USP24: variants seen among roughly 807,000 people sequenced by gnomAD.
The protein encoded by USP24 is ubiquitin carboxyl-terminal hydrolase 24.
USP24 carries 97 observed loss-of-function variants against 361.6 expected under a neutral mutation model. The ratio of observed to expected loss-of-function variants is 0.27; its 90% confidence interval spans 0.23 to 0.32. The LOEUF (loss-of-function observed/expected upper bound fraction) is 0.32, where lower values mean the gene tolerates loss of function less well. Among genes scored for constraint, USP24 ranks in the 10% least tolerant of loss-of-function variants. The probability of loss-of-function intolerance (pLI) is 1.00; values close to 1 mark genes in which losing one functional copy is unlikely to be tolerated. For synonymous variants in USP24, 1,098 were observed against 1,124.6 expected, an observed-to-expected ratio of 0.98 and a Z score of 0.47; for missense variants, 2,353 against 3,165.6, an observed-to-expected ratio of 0.74 and a Z score of 6.16.
At chr1:55,214,652 T>C (rs905809951) in intron 1 of USP24, 138 bp downstream of exon 1, 4 of 770,200 alleles carry the variant, frequency 5.2e-6, no homozygotes, top group Admixed American at 5.4e-5. Flanking sequence ...GGGGCTTCTC[T>C]CTCTCTCTCC....
intron 1 of USP24, among the ~76,000 whole-genome samples, chr1:55,213,097 G>T (rs574677575): frequency 4.6e-5 from 7 of 152,268 alleles, no homozygotes; most frequent in Admixed American, 1.3e-4. Context: ...AGGATACACT[G>T]AGCTTTGCAG....
At chr1:55,128,713 C>T (rs371786017) in intron 32 of USP24, among the ~76,000 whole-genome samples, 194 of 124,872 alleles carry the variant, frequency 1.6e-3, no homozygotes, top group Non-Finnish European at 2.4e-3. Flanking sequence ...GCTTTAATAC[C>T]TTTTTTTTTT....
At chr1:55,193,295 AG>A (rs1305451036) in intron 1 of USP24, among the ~76,000 whole-genome samples, 3 of 152,212 alleles carry the variant, frequency 2.0e-5, no homozygotes, top group Non-Finnish European at 4.4e-5. Flanking sequence ...ATCTGTGGGG[AG>A]GGCAGGTGGA....
intron 5 of USP24, 128 bp downstream of exon 5, chr1:55,171,428 C>G (rs915336767): frequency 8.4e-7 from 1 of 1,187,218 alleles, no homozygotes; most frequent in African/African-American, 1.6e-5. Flanking sequence ...ATTTTATGAG[C>G]CAGATGGGAT....
chr1:55,157,188 C>T, intron 11 of USP24, 68 bp downstream of exon 11: 6 of 1,361,268 alleles, frequency 4.4e-6, no homozygotes, highest in Admixed American at 2.2e-5. Context: ...ATTTTGTATA[C>T]TTTTTAATAC....
chr1:55,144,700 T>C (rs1380325101), intron 20 of USP24, among the ~76,000 whole-genome samples: 1 of 152,156 alleles, frequency 6.6e-6, no homozygotes, highest in African/African-American at 2.4e-5. Context: ...TGTGGGAGGC[T>C]GAAGCAGGAG....
rs570390662 is a variant in USP24 at position 55,148,347 on chromosome 1, G to A, written c.1968+116C>T. On this transcript the variant is annotated intron_variant, in intron 17 of 67. Transcript: ENST00000294383. Reference sequence around the variant, plus strand: ...CTCAAGATTATTAGATGATATAAGTGAATTACATCAATAAACATAAAGATA... The same window carrying A: ...CTCAAGATTATTAGATGATATAAGTAAATTACATCAATAAACATAAAGATA... 4.9e-5 allele frequency: 32 copies of A among 648,756 alleles called. No individual in the cohort carries two copies. The African/African-American group carries it at 6.7e-4, about 14-fold the overall frequency. The allele number at this position is 648,756 out of a possible 1,614,324, so 40.2% of individuals were successfully genotyped here.
At chr1:55,206,816 T>C (rs943081256) in intron 1 of USP24, among the ~76,000 whole-genome samples, 1 of 152,084 alleles carries the variant, frequency 6.6e-6, no homozygotes, top group African/African-American at 2.4e-5. Context: ...TTAATAATAG[T>C]GTTGCTATTC....
At chr1:55,105,868 C>T (rs547982452) in intron 41 of USP24, among the ~76,000 whole-genome samples, 19 of 151,646 alleles carry the variant, frequency 1.3e-4, no homozygotes, top group Admixed American at 9.9e-4. Flanking sequence ...TTATAACCTT[C>T]GTTTCTCTTG....
At chr1:55,153,109 T>C (rs562922802) in intron 16 of USP24, among the ~76,000 whole-genome samples, 3 of 152,308 alleles carry the variant, frequency 2.0e-5, no homozygotes, top group Admixed American at 1.3e-4. Flanking sequence ...CCTGAGGGTC[T>C]AGGTGAGAGG....
Position 55,098,537 on chromosome 1 carries a change from A to G in USP24, c.5392T>C (p.Phe1798Leu). The G allele has an allele frequency of 6.2e-7, 1 of 1,612,448 alleles. No homozygotes were observed. The highest frequency in any genetic ancestry group is 8.5e-7 in the Non-Finnish European group (1 of 1,179,140). Residue 1798 changes from phenylalanine to leucine, a missense_variant, in exon 46 of 68, where the codon TTT becomes CTT. Phe to Leu is a conservative substitution (Grantham distance 22). This residue lies in a region of USP24 where 105 missense variants were observed against 200.3 expected (regional missense o/e 0.52). Transcript: ENST00000294383. ...YLKKMGRDQI[F>L]KNTFQGIYSD... ...TAGATGCCCTGAAATGTATTCTTAA[A>G]AATTTGGTCTCTCCCCATTTTCTGT...
At chr1:55,079,795 AGT>A in intron 59 of USP24, 136 bp from the exon 60 acceptor site, 3 of 1,181,974 alleles carry the variant, frequency 2.5e-6, no homozygotes, top group Non-Finnish European at 3.4e-6. Flanking sequence ...TCACACACTG[AGT>A]ACTCACACAC....
At chr1:55,134,282 G>T in intron 29 of USP24, 46 bp downstream of exon 29, 2 of 1,583,806 alleles carry the variant, frequency 1.3e-6, no homozygotes, top group South Asian at 2.3e-5. Context: ...GCTCCCTAAT[G>T]TTAGTAACTT....
intron 59 of USP24, 139 bp downstream of exon 59, chr1:55,081,183 T>C (rs1234732329): frequency 1.2e-6 from 1 of 814,312 alleles, no homozygotes; most frequent in Non-Finnish European, 1.9e-6. Flanking sequence ...TAACATGAAT[T>C]AAAACAAAAA....
Position 55,110,107 on chromosome 1 carries a change from A to G in USP24, c.4570+78T>C. Reference sequence around the variant, plus strand: ...TATTTACACCTGAGATATGTAAATCATATTTAGAAATGTCCGTGTGACTTT... The same window carrying G: ...TATTTACACCTGAGATATGTAAATCGTATTTAGAAATGTCCGTGTGACTTT... On this transcript the variant is annotated intron_variant, in intron 39 of 67. Transcript: ENST00000294383. 5 of 1,211,140 alleles carry G rather than the reference A, an allele frequency of 4.1e-6. No homozygotes were observed. In the South Asian group the frequency reaches 7.7e-5, roughly 19 times the overall value. The allele number at this position is 1,211,140 out of a possible 1,614,324, so 75.0% of individuals were successfully genotyped here.
intron 38 of USP24, among the ~76,000 whole-genome samples, chr1:55,119,492 T>C (rs974125787): frequency 2.6e-5 from 4 of 152,112 alleles, no homozygotes; most frequent in African/African-American, 9.7e-5. Flanking sequence ...AATAGACAGT[T>C]GTGATGGTTG....
chr1:55,213,393 T>C (rs1644896348), intron 1 of USP24, among the ~76,000 whole-genome samples: 2 of 152,224 alleles, frequency 1.3e-5, no homozygotes, highest in African/African-American at 4.8e-5. Context: ...CAAAGAAATC[T>C]TGTGCAGAAA....
At position 55,208,049 on chromosome 1, in the gene USP24, T is replaced by C. The variant is rs189387561; in HGVS notation, c.324+6741A>G. ...TGAAGCATTTTAATTTCTGGAAAGA[T>C]TGTAAGAATAATATTTAAACTTACT... On this transcript the variant is annotated intron_variant, in intron 1 of 67. Coordinates refer to ENST00000294383, the MANE Select transcript of USP24 (RefSeq NM_015306.3). Among the ~76,000 whole-genome samples the C allele has an allele frequency of 3.0e-3, 455 of 152,338 alleles. 4 individuals carry two copies. Among genetic ancestry groups the C allele is most frequent in the African/African-American group, 0.01 (416 of 41,576 alleles).
At chr1:55,100,502 A>G (rs1645606413) in intron 44 of USP24, among the ~76,000 whole-genome samples, 1 of 152,186 alleles carries the variant, frequency 6.6e-6, no homozygotes, top group Admixed American at 6.5e-5. Context: ...GTCTCAAAAA[A>G]AAAAAAAAAG....
Sources: allele counts gnomAD v4.1 joint callset (sites outside exome capture counted in the v4.1 genomes callset), GRCh38; gene constraint gnomAD v4.1.1; regional missense constraint gnomAD v4.1.1; transcripts MANE v1.5; gene names NCBI Gene and HGNC (gene_info 2026-07-23, HGNC 2026-07-21).